The following GRIN2A variants were observed in gnomAD, a reference collection of about 807,000 sequenced individuals.
GRIN2A encodes the protein glutamate receptor ionotropic, NMDA 2A.
In GRIN2A, 22 loss-of-function variants were observed where a neutral mutation model predicts 113.4. That is an observed-to-expected ratio of 0.19 (90% CI 0.14 to 0.28). GRIN2A has a LOEUF of 0.28. GRIN2A is among the 10% of genes least tolerant of loss of function. The pLI is 1.00. For synonymous variants in GRIN2A, 827 were observed against 738.4 expected (o/e 1.12, Z -1.94); for missense variants, 1,502 against 1,887.0 (o/e 0.80, Z 3.78).
chr16:9,863,990 A>G (rs1054682790), intron 4 of GRIN2A, among the ~76,000 whole-genome samples: 2 of 152,222 alleles, frequency 1.3e-5, no homozygotes, highest in African/African-American at 4.8e-5. Flanking sequence ...AAGGTTAAAC[A>G]CATAACATTG....
At chr16:10,021,244 G>C (rs34055325) in intron 2 of GRIN2A, among the ~76,000 whole-genome samples, 16,624 of 152,216 alleles carry the variant, frequency 0.11, 1,005 homozygotes, top group Middle Eastern at 0.15. Flanking sequence ...GAATGGACTG[G>C]TCAATGACGG....
intron 2 of GRIN2A, among the ~76,000 whole-genome samples, chr16:10,035,078 T>C (rs988449619): frequency 9.9e-5 from 15 of 152,000 alleles, no homozygotes; most frequent in Middle Eastern, 3.4e-3. Context: ...CAGGCTGGAG[T>C]GCAGTGGCAC....
chr16:9,878,469 T>C (rs1462131299), intron 4 of GRIN2A, among the ~76,000 whole-genome samples: 1 of 152,158 alleles, frequency 6.6e-6, no homozygotes, highest in Non-Finnish European at 1.5e-5. Context: ...CCCTTTTAGA[T>C]ATGAGAAAAT....
chr16:10,173,089 C>T (rs746211054), intron 2 of GRIN2A, among the ~76,000 whole-genome samples: 12 of 152,304 alleles, frequency 7.9e-5, no homozygotes, highest in East Asian at 3.9e-4. Flanking sequence ...GTGTGAGTCA[C>T]GCTACCGGGA....
chr16:9,968,235 A>G (rs941059113), intron 2 of GRIN2A, among the ~76,000 whole-genome samples: 2 of 152,026 alleles, frequency 1.3e-5, no homozygotes, highest in African/African-American at 4.8e-5. Context: ...TCTCCCCTGC[A>G]TCTATCATTT....
chr16:9,827,079 G>C (rs1462875511), intron 9 of GRIN2A, among the ~76,000 whole-genome samples: 3 of 152,150 alleles, frequency 2.0e-5, no homozygotes, highest in Non-Finnish European at 2.9e-5. Flanking sequence ...TCTGCAGAGG[G>C]ATTCATATGC....
chr16:9,968,538 C>G (rs138037573), intron 2 of GRIN2A, among the ~76,000 whole-genome samples: 175 of 152,246 alleles, frequency 1.1e-3, no homozygotes, highest in African/African-American at 3.8e-3. Context: ...GTCTCGAACT[C>G]CTGACCTCAG....
chr16:9,824,916 C>G (rs1248053554), intron 9 of GRIN2A, among the ~76,000 whole-genome samples: 1 of 152,050 alleles, frequency 6.6e-6, no homozygotes, highest in Non-Finnish European at 1.5e-5. Context: ...GGGTCTACAT[C>G]CAGGACACAC....
intron 1 of GRIN2A, among the ~76,000 whole-genome samples, chr16:10,181,326 C>A (rs1240671695): frequency 6.6e-6 from 1 of 152,208 alleles, no homozygotes; most frequent in Non-Finnish European, 1.5e-5. Flanking sequence ...TGGCAAAGAA[C>A]GTGCGTAGGG....
chr16:9,823,209 G>C (rs769694201), intron 9 of GRIN2A, among the ~76,000 whole-genome samples: 1 of 129,968 alleles, frequency 7.7e-6, no homozygotes, highest in Non-Finnish European at 1.6e-5. Context: ...GACTCAATGA[G>C]AGTCGAATCA....
rs539298946 is a variant in GRIN2A at position 9,888,746 on chromosome 16, G to A, written c.1122+2240C>T. On this transcript the variant is annotated intron_variant, in intron 4 of 12. Transcript: ENST00000330684. Reference sequence around the variant, plus strand: ...TATGTGCATATAATATATATAAATCGATATATATATTATAGGTTTTTCATA... The same window carrying A: ...TATGTGCATATAATATATATAAATCAATATATATATTATAGGTTTTTCATA... Among the ~76,000 whole-genome samples the A allele has an allele frequency of 5.9e-5, 9 of 151,640 alleles. No individual in the cohort carries two copies. The East Asian group carries it at 1.5e-3, about 26-fold the overall frequency.
At chr16:9,880,612 C>T (rs2043459775) in intron 4 of GRIN2A, among the ~76,000 whole-genome samples, 2 of 152,120 alleles carry the variant, frequency 1.3e-5, no homozygotes, top group South Asian at 4.1e-4. Flanking sequence ...TAGAAAAGGC[C>T]AAGTGTCACT....
At chr16:10,069,488 TCCCTTGCAATG>T (rs2047710629) in intron 2 of GRIN2A, among the ~76,000 whole-genome samples, 1 of 152,268 alleles carries the variant, frequency 6.6e-6, no homozygotes, top group African/African-American at 2.4e-5. Context: ...CAAGATGCAG[TCCCTTGCAATG>T]CGTCAGTCCC....
At chr16:10,005,738 T>A (rs1317638481) in intron 2 of GRIN2A, among the ~76,000 whole-genome samples, 1 of 152,228 alleles carries the variant, frequency 6.6e-6, no homozygotes, top group Non-Finnish European at 1.5e-5. Flanking sequence ...AACTCATTCA[T>A]CCTGTGGCCT....
At chr16:9,857,777 A>T (rs541114631) in intron 4 of GRIN2A, among the ~76,000 whole-genome samples, 1 of 152,356 alleles carries the variant, frequency 6.6e-6, no homozygotes, top group Non-Finnish European at 1.5e-5. Flanking sequence ...TCATTGTTTA[A>T]ATCAATGGGG....
intron 3 of GRIN2A, among the ~76,000 whole-genome samples, chr16:9,930,135 C>T (rs2044555274): frequency 6.6e-6 from 1 of 152,148 alleles, no homozygotes; most frequent in Non-Finnish European, 1.5e-5. Flanking sequence ...TCAGGCTGAA[C>T]ACCCAGCAAG....
At chr16:10,127,898 T>G (rs922744234) in intron 2 of GRIN2A, among the ~76,000 whole-genome samples, 1 of 47,082 alleles carries the variant, frequency 2.1e-5, no homozygotes, top group African/African-American at 5.3e-5. Flanking sequence ...ATAGGAGTGT[T>G]TTTTTGCTTG....
chr16:9,939,706 A>G (rs994451491), intron 2 of GRIN2A, among the ~76,000 whole-genome samples: 1 of 151,990 alleles, frequency 6.6e-6, no homozygotes, highest in Admixed American at 6.6e-5. Context: ...CAGTGCCATG[A>G]CTCTGCATCC....
At chr16:9,999,880 T>C (rs2046291500) in intron 2 of GRIN2A, among the ~76,000 whole-genome samples, 1 of 152,176 alleles carries the variant, frequency 6.6e-6, no homozygotes, top group South Asian at 2.1e-4. Flanking sequence ...ATTATTATTC[T>C]GCAATTCTGA....
Sources: allele counts gnomAD v4.1 joint callset (sites outside exome capture counted in the v4.1 genomes callset), GRCh38; gene constraint gnomAD v4.1.1; transcripts MANE v1.5; gene names NCBI Gene and HGNC (gene_info 2026-07-23, HGNC 2026-07-21).